The following CCNB3 variants were observed in gnomAD, a reference collection of about 807,000 sequenced individuals.
CCNB3 encodes the protein cyclin B3.
Under a neutral mutation model 68.0 loss-of-function variants are expected in CCNB3, and 12 were observed. That is an observed-to-expected ratio of 0.18 (90% CI 0.11 to 0.29). The LOEUF (loss-of-function observed/expected upper bound fraction) is 0.29, where lower values mean the gene tolerates loss of function less well. Ranked by LOEUF, CCNB3 falls within the 10% of genes least tolerant of loss-of-function variation. The probability of loss-of-function intolerance (pLI) is 1.00; values close to 1 mark genes in which losing one functional copy is unlikely to be tolerated. For synonymous variants in CCNB3, 354 were observed against 388.9 expected, an observed-to-expected ratio of 0.91 and a Z score of 1.06; for missense variants, 904 against 993.1, an observed-to-expected ratio of 0.91 and a Z score of 1.21.
At chrX:50,303,712 A>T (rs1286737507) in intron 5 of CCNB3, among the ~76,000 whole-genome samples, 3 of 110,654 alleles carry the variant, frequency 2.7e-5, no homozygotes, top group Non-Finnish European at 5.7e-5. Flanking sequence ...GAGTTGTAAG[A>T]GTTCTTTATA....
chrX:50,320,680 A>G (rs1051320182), intron 8 of CCNB3, among the ~76,000 whole-genome samples: 2 of 110,115 alleles, frequency 1.8e-5, no homozygotes, highest in African/African-American at 3.3e-5. Flanking sequence ...TTTATTATCC[A>G]TGGTGATTTT....
chrX:50,226,602 T>C (rs1935822154), intron 1 of CCNB3, among the ~76,000 whole-genome samples: 1 of 77,860 alleles, frequency 1.3e-5, no homozygotes, highest in Non-Finnish European at 2.3e-5. Context: ...ATATATAGAA[T>C]ATATCTATAA....
chrX:50,342,179 G>C (rs782182143), intron 8 of CCNB3, 23 bp from the exon 9 acceptor site: 2 of 1,209,976 alleles, frequency 1.7e-6, no homozygotes, highest in South Asian at 3.5e-5. Context: ...ATGCAGATCT[G>C]TGTCGTGTGT....
chrX:50,226,789 T>C (rs1391787071), intron 1 of CCNB3, among the ~76,000 whole-genome samples: 13 of 78,325 alleles, frequency 1.7e-4, no homozygotes, highest in Non-Finnish European at 2.9e-4. Flanking sequence ...TATGAATATG[T>C]ACATAGAATA....
rs996279130 is a variant in CCNB3, at chrX:50,304,345, A to G, written c.336-4160A>G. Among the ~76,000 whole-genome samples, 4 of 111,746 alleles carry G rather than the reference A, an allele frequency of 3.6e-5. No individual in the cohort carries two copies. The Admixed American group carries it at 3.8e-4, about 11-fold the overall frequency. ...CTTGCAATTCTATATAAATTTTAGA[A>G]TCAGCTTGTCACAACTATCTGATCT... On this transcript the variant is annotated intron_variant, in intron 5 of 12. Coordinates refer to ENST00000376042, the MANE Select transcript of CCNB3 (RefSeq NM_033031.3).
chrX:50,226,190 A>ATATATATATTT (rs1935768574), intron 1 of CCNB3, among the ~76,000 whole-genome samples: 1 of 28,650 alleles, frequency 3.5e-5, no homozygotes, highest in African/African-American at 9.6e-5. Context: ...TAGATATATA[A>ATATATATATTT]ATATATATAG....
intron 1 of CCNB3, among the ~76,000 whole-genome samples, chrX:50,220,548 C>T (rs1456421425): frequency 8.9e-6 from 1 of 111,809 alleles, no homozygotes; most frequent in Non-Finnish European, 1.9e-5. Context: ...GTCATTGGTT[C>T]TGTTTATGTG....
chrX:50,226,212 T>TTATATATATAGAATATATA (rs1935772608), intron 1 of CCNB3, among the ~76,000 whole-genome samples: 18 of 61,430 alleles, frequency 2.9e-4, no homozygotes, highest in African/African-American at 6.0e-4. Flanking sequence ...ATATATATAT[T>TTATATATATAGAATATATA]TATATATATA....
intron 1 of CCNB3, among the ~76,000 whole-genome samples, chrX:50,226,261 TATATATAGAATATATATATTTATA>T (rs1935784017): frequency 1.5e-5 from 1 of 65,482 alleles, no homozygotes; most frequent in African/African-American, 6.7e-5. Flanking sequence ...TATATATTTA[TATATATAGAATATATATATTTATA>T]TATATAGAAT....
At position 50,351,204 on chromosome X, in the gene CCNB3, C is replaced by T. The variant is rs375408406; in HGVS notation, c.3961-37C>T. 10 of 1,205,505 alleles carry T rather than the reference C, an allele frequency of 8.3e-6. No homozygotes were observed. The African/African-American group carries it at 1.6e-4, about 19-fold the overall frequency. On this transcript the variant is annotated intron_variant, in intron 11 of 12. Coordinates refer to ENST00000376042, the MANE Select transcript of CCNB3 (RefSeq NM_033031.3). Reference sequence around the variant, plus strand: ...CAGAGATGGAGGAACGGTGTGCTTCCTATAGTAGAAATCACTATTCATGCT... The same window carrying T: ...CAGAGATGGAGGAACGGTGTGCTTCTTATAGTAGAAATCACTATTCATGCT...
At chrX:50,281,985 TAGA>T (rs1936145720) in intron 1 of CCNB3, among the ~76,000 whole-genome samples, 1 of 111,278 alleles carries the variant, frequency 9.0e-6, no homozygotes, top group African/African-American at 3.3e-5. Flanking sequence ...CTTAGAATCG[TAGA>T]AGATCAGGTA....
chrX:50,344,176 A>ACACACCTAT (rs1923280725), intron 9 of CCNB3, among the ~76,000 whole-genome samples: 1 of 112,537 alleles, frequency 8.9e-6, no homozygotes, highest in Non-Finnish European at 1.9e-5. Flanking sequence ...GTAGCCTAGG[A>ACACACCTAT]GCAATAGGCT....
At chrX:50,341,327 C>CTAAA (rs1923120397) in intron 8 of CCNB3, among the ~76,000 whole-genome samples, 1 of 54,358 alleles carries the variant, frequency 1.8e-5, no homozygotes, top group African/African-American at 5.4e-5. Flanking sequence ...GAAACTCCGT[C>CTAAA]TCAATAAATA....
At chrX:50,228,563 C>G (rs1466174520) in intron 1 of CCNB3, among the ~76,000 whole-genome samples, 1 of 79,640 alleles carries the variant, frequency 1.3e-5, no homozygotes, top group South Asian at 5.8e-4. Context: ...ATATAGAATA[C>G]AGATAATATA....
chrX:50,339,158 G>A, intron 8 of CCNB3, among the ~76,000 whole-genome samples: 1 of 112,456 alleles, frequency 8.9e-6, no homozygotes, highest in Non-Finnish European at 1.9e-5. Context: ...CCATGACACA[G>A]CCTCAGGAAG....
rs1042117696 is a variant in CCNB3, at chrX:50,221,011, C to T, written c.-113+16061C>T. Among the ~76,000 whole-genome samples the T allele has an allele frequency of 1.7e-3, 183 of 110,905 alleles. 3 individuals carry two copies. The East Asian group carries it at 0.034, about 21-fold the overall frequency. ...CCTTGTTTAGTCTTGGGAGGGTGTA[C>T]GTGTCCAGGAATGTATCCCTTTCTT... On this transcript the variant is annotated intron_variant, in intron 1 of 12. Coordinates refer to ENST00000376042, the MANE Select transcript of CCNB3 (RefSeq NM_033031.3).
Position 50,342,211 on chromosome X carries a change from G to A in CCNB3, c.3526G>A (p.Glu1176Lys). The change falls in exon 9 of 13, where the codon GAG becomes AAG. Residue 1176 changes from glutamate (E) to lysine (K), a missense_variant. Physicochemically the swap from Glu to Lys is moderately conservative, Grantham distance 56 (BLOSUM62 1). Around this residue, in one of 2 missense-constraint regions of CCNB3, gnomAD observed 285 missense variants for 383.4 expected, o/e 0.74. Coordinates refer to ENST00000376042, the MANE Select transcript of CCNB3 (RefSeq NM_033031.3). ...DWLVEVQVSF[E>K]MTHETLYLAV... ...GTGTGTGTTCCTCCAGGTGTCCTTT[G>A]AGATGACCCATGAGACCCTGTACTT... The A allele has an allele frequency of 2.5e-6, 3 of 1,210,947 alleles. No individual in the cohort carries two copies. The highest frequency in any genetic ancestry group is 3.4e-6 in the Non-Finnish European group (3 of 895,162).
At chrX:50,294,798 T>C in intron 4 of CCNB3, 65 bp from the exon 5 acceptor site, 1 of 1,129,721 alleles carries the variant, frequency 8.9e-7, no homozygotes, top group Admixed American at 2.7e-5. Flanking sequence ...TTAGGTAATT[T>C]GTGGTTTTCT....
chrX:50,228,654 T>C (rs1272935284), intron 1 of CCNB3, among the ~76,000 whole-genome samples: 1 of 74,093 alleles, frequency 1.3e-5, no homozygotes, highest in Non-Finnish European at 2.4e-5. Context: ...ATATATAGAA[T>C]ATATAGAATA....
Sources: allele counts gnomAD v4.1 joint callset (sites outside exome capture counted in the v4.1 genomes callset), GRCh38; gene constraint gnomAD v4.1.1; regional missense constraint gnomAD v4.1.1; transcripts MANE v1.5; gene names NCBI Gene and HGNC (gene_info 2026-07-23, HGNC 2026-07-21).